UNC13C: variants seen among roughly 807,000 people sequenced by gnomAD.
UNC13C encodes the protein unc-13 homolog C, also known as protein unc-13 homolog C.
UNC13C carries 174 observed loss-of-function variants against 245.4 expected under a neutral mutation model. The observed-to-expected ratio is 0.71, with a 90% CI of 0.63 to 0.80. The LOEUF (loss-of-function observed/expected upper bound fraction) is 0.80, where lower values mean the gene tolerates loss of function less well. Ranked by LOEUF, UNC13C falls within the 30% of genes least tolerant of loss-of-function variation. The pLI, the probability that UNC13C is intolerant of heterozygous loss-of-function variation, is 0.00. For synonymous variants in UNC13C, 992 were observed against 895.1 expected (o/e 1.11, Z -1.93); for missense variants, 2,829 against 2,602.9 (o/e 1.09, Z -1.89).
the UNC13C span, among the ~76,000 whole-genome samples, chr15:53,953,809 G>A: frequency 3.9e-5 from 6 of 152,200 alleles, no homozygotes; most frequent in South Asian, 2.1e-4. Context: ...TTAACATTTA[G>A]GATTTATAAG....
At chr15:54,534,951 A>G (rs1895924802) in intron 26 of UNC13C, among the ~76,000 whole-genome samples, 1 of 152,186 alleles carries the variant, frequency 6.6e-6, no homozygotes, top group Admixed American at 6.5e-5. Context: ...GCCAACACAA[A>G]AATACGCTTA....
At chr15:54,211,291 G>T (rs1344255126) in intron 4 of UNC13C, among the ~76,000 whole-genome samples, 1 of 151,978 alleles carries the variant, frequency 6.6e-6, no homozygotes, top group African/African-American at 2.4e-5. Context: ...TGATGCTAAG[G>T]GTCCATGGCA....
chr15:54,602,363 T>C (rs1193447736), intron 30 of UNC13C, among the ~76,000 whole-genome samples: 1 of 152,146 alleles, frequency 6.6e-6, no homozygotes, highest in Non-Finnish European at 1.5e-5. Context: ...AGAACAAGAA[T>C]AGGAAGAAAA....
intron 11 of UNC13C, among the ~76,000 whole-genome samples, chr15:54,296,693 T>G (rs141765758): frequency 5.3e-5 from 8 of 152,294 alleles, no homozygotes; most frequent in Admixed American, 2.0e-4. Flanking sequence ...ATGGTTTAAC[T>G]GTACCTTATA....
chr15:54,223,878 G>T (rs1222339878), intron 4 of UNC13C, among the ~76,000 whole-genome samples: 1 of 151,666 alleles, frequency 6.6e-6, no homozygotes, highest in Non-Finnish European at 1.5e-5. Flanking sequence ...AATTTGTAGG[G>T]TTTTATTTTA....
chr15:54,419,160 T>G (rs2040583966), intron 19 of UNC13C, among the ~76,000 whole-genome samples: 1 of 152,174 alleles, frequency 6.6e-6, no homozygotes, highest in African/African-American at 2.4e-5. Context: ...CTAAATCACT[T>G]TGTTATCTAT....
At chr15:54,278,955 A>G (rs2036906551) in intron 10 of UNC13C, among the ~76,000 whole-genome samples, 1 of 152,146 alleles carries the variant, frequency 6.6e-6, no homozygotes, top group African/African-American at 2.4e-5. Context: ...GGGTTGTTTT[A>G]TGTTTTATTA....
chr15:53,992,584 G>T (rs1190522006), intron 1 of UNC13C, among the ~76,000 whole-genome samples: 1 of 152,084 alleles, frequency 6.6e-6, no homozygotes, highest in African/African-American at 2.4e-5. Flanking sequence ...TAACCCAGAT[G>T]TCCTATCCCG....
At chr15:53,878,961 T>C in the UNC13C span, among the ~76,000 whole-genome samples, 1 of 152,146 alleles carries the variant, frequency 6.6e-6, no homozygotes, top group Non-Finnish European at 1.5e-5. Flanking sequence ...TTTAAAACAA[T>C]TTTTTGCTTT....
chr15:54,120,597 C>T (rs1053239523), intron 2 of UNC13C, among the ~76,000 whole-genome samples: 1 of 151,982 alleles, frequency 6.6e-6, no homozygotes. Flanking sequence ...TTAAGAAATA[C>T]ATTTTGTAAG....
chr15:54,477,951 G>A (rs1363363803), intron 19 of UNC13C, among the ~76,000 whole-genome samples: 1 of 146,010 alleles, frequency 6.8e-6, no homozygotes, highest in Non-Finnish European at 1.5e-5. Context: ...GACTCTTTTT[G>A]GTTGGTAAGC....
At chr15:54,509,909 G>C (rs1245346281) in intron 23 of UNC13C, among the ~76,000 whole-genome samples, 3 of 152,134 alleles carry the variant, frequency 2.0e-5, no homozygotes, top group Non-Finnish European at 4.4e-5. Context: ...CCGGATAACT[G>C]CATCTCCTCT....
chr15:54,293,841 A>G lies in UNC13C; in HGVS notation c.3819-54A>G, dbSNP rs2037363267. 3.6e-6 allele frequency: 5 copies of G among 1,399,006 alleles called. No homozygotes were observed. The East Asian group carries it at 7.7e-5, about 22-fold the overall frequency. 86.7% of individuals were successfully genotyped at this position (1,399,006 alleles called of 1,614,324 possible). ...ATAGAAAATAAAGTACTAACATCAA[A>G]TGGAATTTAGAGCAGTTTTCAATTG... On this transcript the variant is annotated intron_variant, in intron 10 of 32. Transcript: ENST00000260323.
intron 1 of UNC13C, among the ~76,000 whole-genome samples, chr15:54,000,537 G>A (rs1894839119): frequency 6.6e-6 from 1 of 152,094 alleles, no homozygotes; most frequent in Non-Finnish European, 1.5e-5. Context: ...CTATCAAGTG[G>A]TTTTAACATT....
the UNC13C span, among the ~76,000 whole-genome samples, chr15:53,966,464 G>T: frequency 1.3e-5 from 2 of 152,096 alleles, no homozygotes; most frequent in African/African-American, 4.8e-5. Flanking sequence ...GTTTTTAAAT[G>T]TTTATAGCAG....
At chr15:54,279,713 T>C (rs1027097901) in intron 10 of UNC13C, among the ~76,000 whole-genome samples, 1 of 152,226 alleles carries the variant, frequency 6.6e-6, no homozygotes, top group Admixed American at 6.6e-5. Context: ...ATTGATTTTG[T>C]TTAACTCTTT....
intron 17 of UNC13C, among the ~76,000 whole-genome samples, chr15:54,380,695 A>G (rs1345610714): frequency 2.0e-5 from 3 of 152,094 alleles, no homozygotes; most frequent in Non-Finnish European, 4.4e-5. Flanking sequence ...TTTAATTTGC[A>G]TTTCCCTGAT....
intron 27 of UNC13C, 39 bp downstream of exon 27, chr15:54,546,884 T>G: frequency 6.5e-7 from 1 of 1,532,546 alleles, no homozygotes; most frequent in Non-Finnish European, 8.8e-7. Context: ...CATTAACCCA[T>G]CTGTTTTTGG....
At chr15:54,185,198 A>G (rs1284850218) in intron 4 of UNC13C, among the ~76,000 whole-genome samples, 1 of 151,112 alleles carries the variant, frequency 6.6e-6, no homozygotes, top group African/African-American at 2.4e-5. Flanking sequence ...GGTTGCAAAA[A>G]TTTTTCTCCC....
Sources: gnomAD v4.1 joint callset for allele counts (sites outside exome capture counted in the v4.1 genomes callset) on GRCh38, gnomAD v4.1.1 for gene constraint, MANE v1.5 for transcripts, NCBI Gene and HGNC (gene_info 2026-07-23, HGNC 2026-07-21) for gene names.